Variants in LINS1 observed in about 807,000 individuals in gnomAD.
LINS1 encodes lines homolog 1.
In LINS1, 27 loss-of-function variants were observed where a neutral mutation model predicts 41.6. The ratio of observed to expected loss-of-function variants is 0.65; its 90% CI spans 0.48 to 0.89. The LOEUF is 0.89. Ranked by LOEUF, LINS1 falls within the 40% of genes least tolerant of loss-of-function variation. The probability of loss-of-function intolerance (pLI) is 0.00; values close to 1 mark genes in which losing one functional copy is unlikely to be tolerated. For missense variants in LINS1, 955 were observed against 884.1 expected (o/e 1.08, Z -1.02); for synonymous variants, 336 against 312.9 (o/e 1.07, Z -0.78).
In LINS1 at chr15:100,569,296, A is replaced by T; in HGVS notation, c.2216T>A (p.Leu739His). ...CTCTATGTATTTTAACAACTTCAAA[A>T]GTGCAGTTGGATTATATGGGAAAAG... Reference protein sequence around the residue: ...KNLFPYNPTALLKLLKYIEVI... With the variant: ...KNLFPYNPTAHLKLLKYIEVI... The change falls in exon 7 of 7, where the codon CTT (leucine) becomes CAT (histidine). Residue 739 changes from leucine (L) to histidine (H), a missense_variant. Coordinates refer to ENST00000314742, the MANE Select transcript of LINS1 (RefSeq NM_001040616.3). 1 of 1,610,832 alleles carries T rather than the reference A, an allele frequency of 6.2e-7. No homozygotes were observed. Among genetic ancestry groups the T allele is most frequent in the Non-Finnish European group, 8.5e-7 (1 of 1,176,976 alleles).
chr15:100,583,734 C>A (rs546891783), intron 1 of LINS1, among the ~76,000 whole-genome samples: 33 of 152,332 alleles, frequency 2.2e-4, no homozygotes, highest in African/African-American at 7.2e-4. Flanking sequence ...TCTCCTTCCT[C>A]TTCAAGAGGT....
chr15:100,573,929 A>C lies in LINS1; in HGVS notation c.944T>G (p.Leu315Arg), dbSNP rs2037998253. Residue 315 changes from leucine to arginine, a missense_variant, in exon 5 of 7, where the codon CTC becomes CGC. Leu to Arg is a moderately radical substitution (Grantham distance 102). Coordinates refer to ENST00000314742, the MANE Select transcript of LINS1 (RefSeq NM_001040616.3). ...KCLLCKVGED[L>R]CRGSVPALMP... is the part of the protein sequence containing the mutation. ...TAAGGCAGGCACAGATCCACGACAG[A>C]GGTCTTCACCCACTTTACAGAGAAG... 1 of 1,614,154 alleles carries C rather than the reference A, an allele frequency of 6.2e-7. No individual in the cohort carries two copies. The highest frequency in any genetic ancestry group is 1.3e-5 in the African/African-American group (1 of 74,952).
intron 1 of LINS1, among the ~76,000 whole-genome samples, chr15:100,600,366 C>T (rs1370254706): frequency 6.6e-6 from 1 of 151,938 alleles, no homozygotes; most frequent in Non-Finnish European, 1.5e-5. Flanking sequence ...TGACAACTGG[C>T]CCATTTCTAA....
In LINS1 at chr15:100,569,431, T is replaced by C. The variant is rs1315071426; in HGVS notation, c.2081A>G (p.Asp694Gly). ...LKEFDTAFSF[D>G]CEVAPNDVVS... ...GACATCATTTGGGGCTACTTCACAA[T>C]CAAAGGAGAAGGCAGTATCAAATTC... is the stretch of plus-strand genomic sequence containing the variant. The change falls in exon 7 of 7, where the codon GAT (aspartate) becomes GGT (glycine). Residue 694 changes from aspartate (D) to glycine (G), a missense_variant. Asp to Gly is a moderately conservative substitution (Grantham distance 94). Coordinates refer to ENST00000314742, the MANE Select transcript of LINS1 (RefSeq NM_001040616.3). 2 of 1,614,180 alleles carry C rather than the reference T, an allele frequency of 1.2e-6. No homozygotes were observed. The highest frequency in any genetic ancestry group is 2.7e-5 in the African/African-American group (2 of 75,036).
chr15:100,598,515 G>T (rs1338865105), intron 1 of LINS1, among the ~76,000 whole-genome samples: 1 of 152,218 alleles, frequency 6.6e-6, no homozygotes, highest in Non-Finnish European at 1.5e-5. Flanking sequence ...GTACTTGACA[G>T]AAGCAACACA....
chr15:100,595,908 C>T (rs1179419274), intron 1 of LINS1, among the ~76,000 whole-genome samples: 1 of 152,216 alleles, frequency 6.6e-6, no homozygotes, highest in East Asian at 1.9e-4. Context: ...GTTCCCTCCA[C>T]CAATCGAAAC....
At position 100,569,583 on chromosome 15, in the gene LINS1, A is replaced by C. The variant is rs760798317; in HGVS notation, c.1929T>G (p.Cys643Trp). 1 of 1,614,062 alleles carries C rather than the reference A, an allele frequency of 6.2e-7. No homozygotes were observed. The highest frequency in any genetic ancestry group is 1.1e-5 in the South Asian group (1 of 91,076). ...AAGATGTCTGTTTACTGTTAGCTAA[A>C]CACTGCTCTGTGGATTCCACGTCAG... is the stretch of plus-strand genomic sequence containing the variant. ...DDSDVESTEQ[C>W]LANSKQTSLH... The change falls in exon 7 of 7, where the codon TGT becomes TGG. Residue 643 changes from cysteine (C) to tryptophan (W), a missense_variant. Physicochemically the swap from Cys to Trp is radical, Grantham distance 215. Transcript: ENST00000314742.
At chr15:100,594,472 G>C (rs2039164227) in intron 1 of LINS1, among the ~76,000 whole-genome samples, 1 of 152,160 alleles carries the variant, frequency 6.6e-6, no homozygotes, top group Non-Finnish European at 1.5e-5. Context: ...ACAAAACAAA[G>C]GGCAGTTATC....
Position 100,602,165 on chromosome 15 carries a change from G to A in LINS1, c.-148C>T, listed in dbSNP as rs1450133492. On this transcript the variant is annotated 5_prime_UTR_variant, in exon 1 of 7. Coordinates refer to ENST00000314742, the MANE Select transcript of LINS1 (RefSeq NM_001040616.3). ...AACTCTCTTCACACCGCCATTTGAG[G>A]GAACACAAATGCCCGCTCTGGGCCA... The A allele has an allele frequency of 6.6e-6, 1 of 152,278 alleles. No homozygotes were observed. Among genetic ancestry groups the A allele is most frequent in the South Asian group, 2.1e-4 (1 of 4,834 alleles). The allele number at this position is 152,278 out of a possible 1,614,324, so 9.4% of individuals were successfully genotyped here. A position where few individuals can be genotyped will look rare whatever the true frequency, so the allele number is the denominator to read the frequency against.
At chr15:100,597,686 GT>G (rs1379254011) in intron 1 of LINS1, among the ~76,000 whole-genome samples, 1 of 152,198 alleles carries the variant, frequency 6.6e-6, no homozygotes, top group African/African-American at 2.4e-5. Context: ...TCACTGAAAG[GT>G]TTTCCTTAGT....
chr15:100,597,337 A>G (rs1340133872), intron 1 of LINS1, among the ~76,000 whole-genome samples: 1 of 152,172 alleles, frequency 6.6e-6, no homozygotes, highest in Non-Finnish European at 1.5e-5. Flanking sequence ...CATACTAGAA[A>G]AAATCTCAAG....
rs553880262 is a variant in LINS1, at chr15:100,588,412, A to C, written c.-103-7467T>G. Reference sequence around the variant, plus strand: ...ATAAAAGAGTTTTAATTAACTGGTTAATAATAAGAGCTTAAATCAAATATT... The same window carrying C: ...ATAAAAGAGTTTTAATTAACTGGTTCATAATAAGAGCTTAAATCAAATATT... On this transcript the variant is annotated intron_variant, in intron 1 of 6. Transcript: ENST00000314742. Among the ~76,000 whole-genome samples, 15 of 152,368 alleles carry C rather than the reference A, an allele frequency of 9.8e-5. No homozygotes were observed. In the South Asian group the frequency reaches 3.1e-3, roughly 32 times the overall value.
At chr15:100,574,294 A>T in intron 4 of LINS1, 53 bp from the exon 5 acceptor site, 1 of 1,149,288 alleles carries the variant, frequency 8.7e-7, no homozygotes, top group Non-Finnish European at 1.3e-6. Flanking sequence ...TTCTTCAAAC[A>T]ATTTTACAAT....
intron 1 of LINS1, among the ~76,000 whole-genome samples, chr15:100,583,925 A>G (rs1037742479): frequency 2.0e-5 from 3 of 152,080 alleles, no homozygotes; most frequent in Non-Finnish European, 4.4e-5. Context: ...TACTGACACT[A>G]TAAGACAGAA....
intron 1 of LINS1, among the ~76,000 whole-genome samples, chr15:100,590,877 A>G (rs1299841654): frequency 6.6e-6 from 1 of 152,168 alleles, no homozygotes. Context: ...TATCCTCCCA[A>G]TAGTCATAAC....
In LINS1 at chr15:100,580,710, TGG is replaced by T. The variant is rs2038496540; in HGVS notation, c.131_132del (p.Ala44AspfsTer77). On this transcript the variant is annotated frameshift_variant, in exon 2 of 7. Coordinates refer to ENST00000314742, the MANE Select transcript of LINS1 (RefSeq NM_001040616.3). LOFTEE classifies it high-confidence loss of function. ...PAVSDQDCST[A>X]TSLEWANTCG... The stretch of plus-strand genomic sequence containing the variant: ...CAGGTGTTTGCCCATTCTAAGGAGG[TGG>T]CTGTAGAACAATCTTGATCTGAAAC... 6.2e-7 allele frequency: 1 copy of T among 1,613,112 alleles called. No individual in the cohort carries two copies. Among genetic ancestry groups the T allele is most frequent in the Non-Finnish European group, 8.5e-7 (1 of 1,179,426 alleles).
chr15:100,584,439 C>T (rs115196743), intron 1 of LINS1, among the ~76,000 whole-genome samples: 2,127 of 152,120 alleles, frequency 0.014, 55 homozygotes, highest in African/African-American at 0.049. Flanking sequence ...AATAAATATT[C>T]CAGGGAGTAG....
chr15:100,596,241 C>G (rs977616634), intron 1 of LINS1, among the ~76,000 whole-genome samples: 3 of 152,318 alleles, frequency 2.0e-5, no homozygotes, highest in African/African-American at 7.2e-5. Flanking sequence ...CAAACTGTGT[C>G]ATGCACTAGA....
chr15:100,568,677 C>G lies in LINS1; in HGVS notation c.*561G>C, dbSNP rs2037639883. The stretch of plus-strand genomic sequence containing the variant: ...ACACGTGGCAAGTTGTTACGGCAGC[C>G]CTAGCTGAGGAACGCAATCACCACC... On this transcript the variant is annotated 3_prime_UTR_variant, in exon 7 of 7. Transcript: ENST00000314742. 1 of 153,202 alleles carries G rather than the reference C, an allele frequency of 6.5e-6. No individual in the cohort carries two copies. Among genetic ancestry groups the G allele is most frequent in the Non-Finnish European group, 1.5e-5 (1 of 68,740 alleles). 9.5% of individuals were successfully genotyped at this position (153,202 alleles called of 1,614,324 possible). A position where few individuals can be genotyped will look rare whatever the true frequency, so the allele number is the denominator to read the frequency against.
Sources: gnomAD v4.1 joint callset for allele counts (sites outside exome capture counted in the v4.1 genomes callset) on GRCh38, gnomAD v4.1.1 for gene constraint, MANE v1.5 for transcripts, NCBI Gene and HGNC (gene_info 2026-07-23, HGNC 2026-07-21) for gene names.